The following KATNIP variants were observed in gnomAD, a reference collection of about 807,000 sequenced individuals.
KATNIP encodes the protein katanin interacting protein.
KATNIP carries 126 observed loss-of-function variants against 174.0 expected under a neutral mutation model. The observed-to-expected ratio is 0.72, with a 90% CI of 0.63 to 0.84. The LOEUF is 0.84. Ranked by LOEUF, KATNIP falls within the 40% of genes least tolerant of loss-of-function variation. The pLI, the probability that KATNIP is intolerant of heterozygous loss-of-function variation, is 0.00. For synonymous variants in KATNIP, 810 were observed against 835.7 expected (o/e 0.97, Z 0.53); for missense variants, 1,958 against 2,109.7 (o/e 0.93, Z 1.41).
At chr16:27,597,024 A>T (rs1262372527) in intron 2 of KATNIP, among the ~76,000 whole-genome samples, 2 of 152,110 alleles carry the variant, frequency 1.3e-5, no homozygotes, top group Non-Finnish European at 1.5e-5. Context: ...ATGTCTCAAA[A>T]AAATAAATAA....
chr16:27,615,138 C>T (rs542937801), intron 2 of KATNIP, among the ~76,000 whole-genome samples: 21 of 151,978 alleles, frequency 1.4e-4, no homozygotes, highest in African/African-American at 3.1e-4. Flanking sequence ...GCAAGTAGGA[C>T]GTTTTTTAGA....
intron 8 of KATNIP, among the ~76,000 whole-genome samples, chr16:27,693,264 C>T (rs928803152): frequency 2.0e-5 from 3 of 152,194 alleles, no homozygotes; most frequent in African/African-American, 7.2e-5. Flanking sequence ...AAGCAGCCTC[C>T]AGTGGGCGAG....
chr16:27,647,613 C>A (rs1281693731), intron 5 of KATNIP, among the ~76,000 whole-genome samples: 2 of 151,852 alleles, frequency 1.3e-5, no homozygotes, highest in Non-Finnish European at 2.9e-5. Context: ...TCAAGCGATT[C>A]TCCTGCCTCA....
chr16:27,771,796 C>T lies in KATNIP; in HGVS notation c.4198+144C>T, dbSNP rs1227843253. On this transcript the variant is annotated intron_variant, in intron 22 of 27. Transcript: ENST00000261588. Reference sequence around the variant, plus strand: ...GAAACCAAGGCAGAGGATAGGAGGCCTCCTGGGTCCTCAGGGCCACTAGGA... The same window carrying T: ...GAAACCAAGGCAGAGGATAGGAGGCTTCCTGGGTCCTCAGGGCCACTAGGA... The T allele has an allele frequency of 3.5e-5, 26 of 751,838 alleles. 1 individual carries two copies. In the Admixed American group the frequency reaches 6.9e-4, roughly 20 times the overall value. 46.6% of individuals were successfully genotyped at this position (751,838 alleles called of 1,614,324 possible).
chr16:27,723,984 CT>C (rs1271793294), intron 14 of KATNIP, among the ~76,000 whole-genome samples: 1 of 152,240 alleles, frequency 6.6e-6, no homozygotes, highest in Non-Finnish European at 1.5e-5. Flanking sequence ...ACGCACAGTG[CT>C]GCCCAGAGCT....
chr16:27,717,970 A>G (rs1483318482), intron 13 of KATNIP, among the ~76,000 whole-genome samples: 1 of 152,130 alleles, frequency 6.6e-6, no homozygotes, highest in Non-Finnish European at 1.5e-5. Context: ...TCTTGAAAAC[A>G]TACCCTTTAT....
At chr16:27,769,392 C>T (rs1429941337) in intron 20 of KATNIP, among the ~76,000 whole-genome samples, 1 of 152,356 alleles carries the variant, frequency 6.6e-6, no homozygotes, top group East Asian at 1.9e-4. Context: ...GGCTAACATT[C>T]ACGAAGTATA....
Position 27,750,244 on chromosome 16 carries a change from T to A in KATNIP, c.3284T>A (p.Leu1095Gln), listed in dbSNP as rs755312375. 6.2e-7 allele frequency: 1 copy of A among 1,614,112 alleles called. No homozygotes were observed. Among genetic ancestry groups the A allele is most frequent in the Non-Finnish European group, 8.5e-7 (1 of 1,180,004 alleles). ...CGAGGCGTGAAGGACATCACAATGC[T>A]GTTAGACACCCAGTGCATCTTTGAA... ...SFRGVKDITM[L>Q]LDTQCIFEGE... The change falls in exon 16 of 28, where the codon CTG (leucine) becomes CAG (glutamine). Residue 1095 changes from leucine (L) to glutamine (Q), a missense_variant. This residue lies in a region of KATNIP where 1,557 missense variants were observed against 1,617.8 expected (regional missense o/e 0.96). Coordinates refer to ENST00000261588, the MANE Select transcript of KATNIP (RefSeq NM_015202.5).
chr16:27,628,052 G>A (rs542767101), intron 3 of KATNIP, among the ~76,000 whole-genome samples: 6 of 152,286 alleles, frequency 3.9e-5, no homozygotes, highest in Non-Finnish European at 7.3e-5. Context: ...TTGAACCAAC[G>A]CCTGCATTGA....
intron 1 of KATNIP, among the ~76,000 whole-genome samples, chr16:27,564,776 C>CT (rs2090020445): frequency 1.3e-5 from 2 of 151,580 alleles, no homozygotes; most frequent in Admixed American, 6.6e-5. Flanking sequence ...TGCTTGCTTG[C>CT]TTTTTTTTGA....
At chr16:27,611,270 C>A (rs1291116551) in intron 2 of KATNIP, among the ~76,000 whole-genome samples, 4 of 152,184 alleles carry the variant, frequency 2.6e-5, no homozygotes, top group Admixed American at 2.0e-4. Flanking sequence ...GCCAGCCACA[C>A]AATAAGCCCT....
At chr16:27,655,814 T>G (rs2077262498) in intron 6 of KATNIP, among the ~76,000 whole-genome samples, 1 of 152,166 alleles carries the variant, frequency 6.6e-6, no homozygotes, top group Non-Finnish European at 1.5e-5. Flanking sequence ...GACTCCTTGT[T>G]CCTTACAATT....
At chr16:27,716,537 C>A (rs2079945505) in intron 13 of KATNIP, among the ~76,000 whole-genome samples, 1 of 151,764 alleles carries the variant, frequency 6.6e-6, no homozygotes, top group Non-Finnish European at 1.5e-5. Flanking sequence ...GTGGTAAATT[C>A]TATGTAACTG....
chr16:27,601,324 C>G (rs894573017), intron 2 of KATNIP, among the ~76,000 whole-genome samples: 1 of 152,102 alleles, frequency 6.6e-6, no homozygotes, highest in Non-Finnish European at 1.5e-5. Flanking sequence ...GTGAGAGGTG[C>G]TACTGGGTGA....
intron 20 of KATNIP, among the ~76,000 whole-genome samples, chr16:27,767,207 G>A (rs2082156138): frequency 2.0e-5 from 3 of 152,164 alleles, no homozygotes. Context: ...CTGAGTCTCA[G>A]CTTGGACCCA....
At chr16:27,553,214 G>A (rs965421498) in intron 1 of KATNIP, among the ~76,000 whole-genome samples, 3 of 152,008 alleles carry the variant, frequency 2.0e-5, no homozygotes, top group Non-Finnish European at 4.4e-5. Flanking sequence ...GCCATTATAC[G>A]GTATTTAAAA....
Position 27,585,957 on chromosome 16 carries a change from C to T in KATNIP, c.63+12001C>T, listed in dbSNP as rs151315042. Among the ~76,000 whole-genome samples, 53 of 151,978 alleles carry T rather than the reference C, an allele frequency of 3.5e-4. 1 individual carries two copies. Among genetic ancestry groups the T allele is most frequent in the African/African-American group, 8.7e-4 (36 of 41,454 alleles). The stretch of plus-strand genomic sequence containing the variant: ...TCTCTACTGAAAATACAAAATTAGG[C>T]GGGCGTGGTGGCACACACCTGTAGT... On this transcript the variant is annotated intron_variant, in intron 2 of 27. Coordinates refer to ENST00000261588, the MANE Select transcript of KATNIP (RefSeq NM_015202.5).
chr16:27,777,776 G>T lies in KATNIP; in HGVS notation c.4712+6G>T. ...GAGAAACACACCACCATCAGGTAGG[G>T]CCCCAGCCGGCCCCATGGCCTCCCC... is the stretch of plus-strand genomic sequence containing the variant. On this transcript the variant is annotated splice_donor_region_variant and intron_variant, in intron 26 of 27. Transcript: ENST00000261588. The surrounding 1 kb of genome is among the most constrained non-coding windows in gnomAD (Gnocchi z 4.4). 6.2e-7 allele frequency: 1 copy of T among 1,612,814 alleles called. No individual in the cohort carries two copies. Among genetic ancestry groups the T allele is most frequent in the Non-Finnish European group, 8.5e-7 (1 of 1,179,198 alleles).
chr16:27,607,827 G>A (rs1160116533), intron 2 of KATNIP, among the ~76,000 whole-genome samples: 1 of 152,142 alleles, frequency 6.6e-6, no homozygotes, highest in Non-Finnish European at 1.5e-5. Flanking sequence ...GACTGGCCTC[G>A]AACTCCTGGC....
Sources: allele counts gnomAD v4.1 joint callset (sites outside exome capture counted in the v4.1 genomes callset), GRCh38; gene constraint gnomAD v4.1.1; regional missense constraint gnomAD v4.1.1; non-coding constraint Gnocchi (gnomAD v3.1); transcripts MANE v1.5; gene names NCBI Gene and HGNC (gene_info 2026-07-23, HGNC 2026-07-21).